HK2: variants seen among roughly 807,000 people sequenced by gnomAD.
HK2 encodes hexokinase-2.
In HK2, 42 loss-of-function variants were observed where a neutral mutation model predicts 92.9. The observed-to-expected ratio is 0.45, with a 90% CI of 0.35 to 0.58. The LOEUF (loss-of-function observed/expected upper bound fraction) is 0.58, where lower values mean the gene tolerates loss of function less well. HK2 is among the 20% of genes least tolerant of loss of function. HK2 has a pLI of 0.00. For missense variants in HK2, 978 were observed against 1,245.1 expected (o/e 0.79, Z 3.23); for synonymous variants, 422 against 468.0 (o/e 0.90, Z 1.27).
At chr2:74,874,637 T>C (rs542224792) in intron 7 of HK2, among the ~76,000 whole-genome samples, 188 bp downstream of exon 7, 23 of 152,318 alleles carry the variant, frequency 1.5e-4, no homozygotes, top group Middle Eastern at 3.4e-3. Context: ...CAAGCGGATA[T>C]ACCAGATTAT....
Position 74,872,317 on chromosome 2 carries a change from C to T in HK2, c.393C>T (p.Ala131=), listed in dbSNP as rs750491699. ...GSGTQLFDHI[A]ECLANFMDKL... Reference sequence around the variant, plus strand: ...ATCCTTAGCTGTTTGACCACATTGCCGAATGCCTGGCTAACTTCATGGATA... The same window carrying T: ...ATCCTTAGCTGTTTGACCACATTGCTGAATGCCTGGCTAACTTCATGGATA... The change falls in exon 4 of 18, where the codon GCC becomes GCT. Residue 131 remains alanine, a synonymous_variant. Transcript: ENST00000290573. The T allele has an allele frequency of 9.9e-6, 16 of 1,613,838 alleles. No individual in the cohort carries two copies. The Admixed American group carries it at 1.7e-4, about 17-fold the overall frequency.
Position 74,878,729 on chromosome 2 carries a change from G to A in HK2, c.1073G>A (p.Arg358Gln), listed in dbSNP as rs201385411. The A allele has an allele frequency of 1.7e-5, 28 of 1,606,768 alleles. No homozygotes were observed. The East Asian group carries it at 4.0e-4, about 23-fold the overall frequency. Residue 358 changes from arginine (R) to glutamine (Q), a missense_variant, in exon 9 of 18, where the codon CGG becomes CAG. Physicochemically the swap from Arg to Gln is conservative, Grantham distance 43. Transcript: ENST00000290573. ...GIRKAREVLM[R>Q]LGLDPTQEDC... ...CGGAAGGCCCGTGAGGTCCTGATGC[G>A]GTTGGGCCTGGACCCGACTCAGGAG...
chr2:74,843,243 C>G (rs1426984844), intron 1 of HK2, among the ~76,000 whole-genome samples: 1 of 152,116 alleles, frequency 6.6e-6, no homozygotes, highest in East Asian at 1.9e-4. Context: ...AGCTCTTTGC[C>G]CCTCATATAC....
rs1284898687 is a variant in HK2 at position 74,892,700 on chromosome 2, A to G, written c.*1759A>G. 3 of 152,234 alleles carry G rather than the reference A, an allele frequency of 2.0e-5. No homozygotes were observed. The highest frequency in any genetic ancestry group is 4.4e-5 in the Non-Finnish European group (3 of 68,042). 9.4% of individuals were successfully genotyped at this position (152,234 alleles called of 1,614,324 possible). On this transcript the variant is annotated 3_prime_UTR_variant, in exon 18 of 18. Transcript: ENST00000290573. ...ATGAAATTGAACCTGGTTTTTGTAT[A>G]TTTATCAAACTTGTGCTGAGAATAG... is the stretch of plus-strand genomic sequence containing the variant.
At chr2:74,866,602 C>A (rs1440381952) in intron 2 of HK2, among the ~76,000 whole-genome samples, 3 of 152,204 alleles carry the variant, frequency 2.0e-5, no homozygotes, top group Non-Finnish European at 4.4e-5. Flanking sequence ...GTCTACACTG[C>A]TGTTTCCTGG....
In HK2 at chr2:74,889,226, T is replaced by C; in HGVS notation, c.2376-19T>C. On this transcript the variant is annotated intron_variant, in intron 16 of 17. Coordinates refer to ENST00000290573, the MANE Select transcript of HK2 (RefSeq NM_000189.5). Reference sequence around the variant, plus strand: ...TCTTGGTGCATGACTGAACACTTGCTGTCTCCCTCCCACCCCAGTGACTGC... The same window carrying C: ...TCTTGGTGCATGACTGAACACTTGCCGTCTCCCTCCCACCCCAGTGACTGC... 1 of 1,599,590 alleles carries C rather than the reference T, an allele frequency of 6.3e-7. No homozygotes were observed. Among genetic ancestry groups the C allele is most frequent in the Non-Finnish European group, 8.5e-7 (1 of 1,170,046 alleles).
intron 3 of HK2, among the ~76,000 whole-genome samples, chr2:74,870,051 C>T (rs924656324): frequency 6.8e-6 from 1 of 146,122 alleles, no homozygotes; most frequent in Non-Finnish European, 1.5e-5. Context: ...CCAAGCGTGA[C>T]ACCCAAGAGT....
intron 12 of HK2, among the ~76,000 whole-genome samples, chr2:74,883,707 A>G (rs1169941032): frequency 1.3e-5 from 2 of 152,380 alleles, no homozygotes; most frequent in Non-Finnish European, 2.9e-5. Context: ...CTCAACACCT[A>G]TTAACATTCA....
intron 7 of HK2, among the ~76,000 whole-genome samples, chr2:74,875,151 G>A (rs1689195066): frequency 6.6e-6 from 1 of 152,134 alleles, no homozygotes; most frequent in Non-Finnish European, 1.5e-5. Context: ...GAAAGATCTT[G>A]AAACAGGGAT....
intron 1 of HK2, among the ~76,000 whole-genome samples, chr2:74,841,249 T>G (rs1248689626): frequency 6.6e-6 from 1 of 151,872 alleles, no homozygotes; most frequent in Non-Finnish European, 1.5e-5. Context: ...ACATTTTTGG[T>G]TGTCACAAAG....
chr2:74,866,180 T>C (rs1688944610), intron 2 of HK2, among the ~76,000 whole-genome samples: 1 of 152,090 alleles, frequency 6.6e-6, no homozygotes, highest in East Asian at 1.9e-4. Context: ...TGGTCAGATG[T>C]GACTTTTCTC....
intron 1 of HK2, among the ~76,000 whole-genome samples, chr2:74,836,492 G>A (rs1331139003): frequency 3.3e-5 from 5 of 152,190 alleles, no homozygotes; most frequent in African/African-American, 9.7e-5. Flanking sequence ...AATAACAGTA[G>A]GCTTGTCCAC....
rs772842318 is a variant in HK2 at position 74,877,251 on chromosome 2, G to A, written c.961G>A (p.Gly321Arg). Residue 321 changes from glycine (G) to arginine (R), a missense_variant, in exon 8 of 18, where the codon GGG becomes AGG. Around this residue, in one of 3 missense-constraint regions of HK2, gnomAD observed 742 missense variants for 922.5 expected, o/e 0.80. Coordinates refer to ENST00000290573, the MANE Select transcript of HK2 (RefSeq NM_000189.5). The stretch of plus-strand genomic sequence containing the variant: ...GATGGCCAAGGAGGAGCTGCTCTTT[G>A]GGGGGAAGCTCAGCCCAGAGCTTCT... ...VKMAKEELLFGGKLSPELLNT... is the reference protein window; with the variant it reads ...VKMAKEELLFRGKLSPELLNT... The A allele has an allele frequency of 1.5e-5, 25 of 1,613,996 alleles. No individual in the cohort carries two copies. In the Middle Eastern group the frequency reaches 1.5e-3, roughly 96 times the overall value.
intron 1 of HK2, among the ~76,000 whole-genome samples, chr2:74,852,025 G>T (rs1025854469): frequency 1.3e-5 from 2 of 152,194 alleles, no homozygotes; most frequent in African/African-American, 2.4e-5. Context: ...GCCAAACGTG[G>T]CCCCTCGTGT....
chr2:74,859,248 C>T (rs928062520), intron 2 of HK2, among the ~76,000 whole-genome samples: 2 of 152,204 alleles, frequency 1.3e-5, no homozygotes, highest in Non-Finnish European at 2.9e-5. Context: ...AATACTAATA[C>T]TGAACTCTAG....
intron 1 of HK2, among the ~76,000 whole-genome samples, chr2:74,838,728 C>A (rs559215451): frequency 6.6e-6 from 1 of 151,620 alleles, no homozygotes. Flanking sequence ...TTAGTAGAGA[C>A]GAGGTTTCAC....
intron 8 of HK2, 30 bp from the exon 9 acceptor site, chr2:74,878,658 A>G (rs1191831077): frequency 2.0e-6 from 3 of 1,538,346 alleles, no homozygotes; most frequent in Non-Finnish European, 2.7e-6. Context: ...GGTCAGACAC[A>G]GGCCCACATG....
At chr2:74,887,523 T>G (rs1565064) in intron 15 of HK2, among the ~76,000 whole-genome samples, 27,107 of 151,934 alleles carry the variant, frequency 0.18, 2,491 homozygotes, top group East Asian at 0.19. Flanking sequence ...GGTTAAAGAT[T>G]AAGACTCAGC....
intron 2 of HK2, among the ~76,000 whole-genome samples, chr2:74,860,749 AC>A (rs1688806530): frequency 1.3e-5 from 2 of 152,198 alleles, no homozygotes; most frequent in African/African-American, 4.8e-5. Flanking sequence ...TGTATAAACA[AC>A]TAGGAGTGGA....
Sources: allele counts gnomAD v4.1 joint callset (sites outside exome capture counted in the v4.1 genomes callset), GRCh38; gene constraint gnomAD v4.1.1; regional missense constraint gnomAD v4.1.1; transcripts MANE v1.5; gene names NCBI Gene and HGNC (gene_info 2026-07-23, HGNC 2026-07-21).